Variants in CLEC16A observed in about 807,000 individuals in gnomAD.
CLEC16A encodes the protein protein CLEC16A.
A neutral mutation model predicts 109.5 loss-of-function variants in CLEC16A; 51 were observed. The observed-to-expected ratio is 0.47, with a 90% CI of 0.37 to 0.59. CLEC16A has a LOEUF of 0.59. Among genes scored for constraint, CLEC16A ranks in the 20% least tolerant of loss-of-function variants. CLEC16A has a pLI of 0.00. For synonymous variants in CLEC16A, 673 were observed against 564.2 expected, an observed-to-expected ratio of 1.19 and a Z score of -2.73; for missense variants, 1,339 against 1,394.0, an observed-to-expected ratio of 0.96 and a Z score of 0.63.
At chr16:11,117,891 A>G (rs574712863) in intron 19 of CLEC16A, among the ~76,000 whole-genome samples, 2 of 152,346 alleles carry the variant, frequency 1.3e-5, no homozygotes, top group East Asian at 3.9e-4. Context: ...CATAGATCTA[A>G]TGGTCCTATG....
At chr16:10,983,842 C>T (rs1169000895) in intron 10 of CLEC16A, among the ~76,000 whole-genome samples, 1 of 151,926 alleles carries the variant, frequency 6.6e-6, no homozygotes, top group East Asian at 1.9e-4. Context: ...ACCTGGTTCC[C>T]TCTTTTCAAA....
intron 23 of CLEC16A, among the ~76,000 whole-genome samples, chr16:11,167,169 G>A (rs989636398): frequency 1.3e-5 from 2 of 152,190 alleles, no homozygotes; most frequent in African/African-American, 4.8e-5. Flanking sequence ...GCTGCCGTGA[G>A]CTATTCGCTG....
intron 15 of CLEC16A, among the ~76,000 whole-genome samples, chr16:11,043,626 A>C (rs555410098): frequency 9.2e-5 from 14 of 152,194 alleles, no homozygotes; most frequent in Non-Finnish European, 7.4e-5. Flanking sequence ...GCACTTTGGG[A>C]GGCCGAGGCG....
chr16:10,959,839 C>G (rs1352393290), intron 2 of CLEC16A, among the ~76,000 whole-genome samples: 1 of 151,790 alleles, frequency 6.6e-6, no homozygotes, highest in East Asian at 1.9e-4. Context: ...TCTCAAACTC[C>G]TGAGCTCAAA....
intron 5 of CLEC16A, among the ~76,000 whole-genome samples, chr16:10,972,234 T>TG (rs1008310098): frequency 8.5e-5 from 13 of 152,284 alleles, no homozygotes; most frequent in South Asian, 2.1e-4. Flanking sequence ...GTCCTGCAGT[T>TG]GGGGGGGTCA....
intron 10 of CLEC16A, among the ~76,000 whole-genome samples, chr16:10,989,903 C>G (rs923426821): frequency 1.3e-5 from 2 of 152,174 alleles, no homozygotes; most frequent in African/African-American, 4.8e-5. Context: ...AACTTGTATC[C>G]GATGTCAGCC....
At chr16:10,985,214 A>ATATAT (rs1202404600) in intron 10 of CLEC16A, among the ~76,000 whole-genome samples, 102 of 112,440 alleles carry the variant, frequency 9.1e-4, no homozygotes, top group Admixed American at 5.3e-3. Flanking sequence ...AAAAAAAAAA[A>ATATAT]AAAAAAATAT....
At chr16:11,162,265 G>A (rs540028381) in intron 22 of CLEC16A, among the ~76,000 whole-genome samples, 5 of 152,148 alleles carry the variant, frequency 3.3e-5, no homozygotes, top group African/African-American at 1.2e-4. Context: ...CTCACCATGG[G>A]CATAGTTTCC....
intron 22 of CLEC16A, among the ~76,000 whole-genome samples, chr16:11,154,304 G>A (rs925964157): frequency 2.0e-5 from 3 of 152,174 alleles, no homozygotes; most frequent in Non-Finnish European, 4.4e-5. Flanking sequence ...GTTGCATATG[G>A]TTCAAGCTCA....
At chr16:11,020,066 G>A in intron 11 of CLEC16A, 127 bp from the exon 12 acceptor site, 1 of 1,108,222 alleles carries the variant, frequency 9.0e-7, no homozygotes, top group Non-Finnish European at 1.2e-6. Context: ...TCAGGTCGCT[G>A]CTGTCGGACA....
intron 19 of CLEC16A, among the ~76,000 whole-genome samples, chr16:11,102,572 A>G (rs1055191154): frequency 5.3e-5 from 8 of 152,212 alleles, no homozygotes; most frequent in African/African-American, 1.4e-4. Context: ...ATTCTTTCCC[A>G]TCAGAAAAGA....
In CLEC16A at chr16:10,985,202, C is replaced by CAA. The variant is rs1157089518; in HGVS notation, c.1071+2229_1071+2230dup. Among the ~76,000 whole-genome samples the CAA allele has an allele frequency of 1.8e-3, 184 of 103,528 alleles. 2 individuals are homozygous for CAA. Among genetic ancestry groups the CAA allele is most frequent in the East Asian group, 2.6e-3 (9 of 3,488 alleles). The allele number at this position is 103,528 out of a possible 152,430, so 67.9% of individuals were successfully genotyped here. On this transcript the variant is annotated intron_variant, in intron 10 of 23. Transcript: ENST00000409790. The stretch of plus-strand genomic sequence containing the variant: ...TGGGCGACAGAGCAAGACTCCATCT[C>CAA]AAAAAAAAAAAAAAAAAAATATATA...
At chr16:10,962,390 C>T in intron 2 of CLEC16A, 65 bp from the exon 3 acceptor site, 1 of 1,595,638 alleles carries the variant, frequency 6.3e-7, no homozygotes, top group Non-Finnish European at 8.6e-7. Flanking sequence ...TGAATGAAAC[C>T]AGATAATAAT....
chr16:11,144,490 C>G (rs933370311), intron 22 of CLEC16A, among the ~76,000 whole-genome samples: 1 of 152,116 alleles, frequency 6.6e-6, no homozygotes, highest in Non-Finnish European at 1.5e-5. Flanking sequence ...CCACCCTCCC[C>G]TCAGCTGAGA....
chr16:11,072,546 G>T lies in CLEC16A; in HGVS notation c.2116+11524G>T, dbSNP rs138977263. On this transcript the variant is annotated intron_variant, in intron 19 of 23. Transcript: ENST00000409790. ...AATAGATGGGGAGTATAATGTTTAG[G>T]AACTGGAGCCCCAGATTTAGAAAAG... is the stretch of plus-strand genomic sequence containing the variant. 4.8e-3 allele frequency among the ~76,000 whole-genome samples: 727 copies of T among 152,252 alleles called. 8 individuals are homozygous for T. The highest frequency in any genetic ancestry group is 0.032 in the East Asian group (168 of 5,180).
At chr16:11,052,301 G>T (rs1268745280) in intron 18 of CLEC16A, among the ~76,000 whole-genome samples, 1 of 152,184 alleles carries the variant, frequency 6.6e-6, no homozygotes, top group African/African-American at 2.4e-5. Flanking sequence ...ATTCACTGGA[G>T]ACATGAGTAT....
At chr16:10,959,076 C>T (rs2145985924) in intron 2 of CLEC16A, among the ~76,000 whole-genome samples, 1 of 151,204 alleles carries the variant, frequency 6.6e-6, no homozygotes, top group Non-Finnish European at 1.5e-5. Context: ...ATTGAGGCCA[C>T]TTTTAAAACT....
At chr16:10,985,947 C>T (rs890527086) in intron 10 of CLEC16A, among the ~76,000 whole-genome samples, 2 of 148,570 alleles carry the variant, frequency 1.3e-5, no homozygotes, top group African/African-American at 2.5e-5. Flanking sequence ...CTCAACTGAT[C>T]TGCCTGCCTT....
rs1018491092 is a variant in CLEC16A, at chr16:10,961,098, C to T, written c.210-1357C>T. Among the ~76,000 whole-genome samples the T allele has an allele frequency of 6.6e-6, 1 of 152,130 alleles. No individual in the cohort carries two copies. The highest frequency in any genetic ancestry group is 1.5e-5 in the Non-Finnish European group (1 of 68,024). ...CTAGGTACAGGCATTTTAACAAGTT[C>T]CCAAGTTGGTCACAGTGCGGCAGTG... is the stretch of plus-strand genomic sequence containing the variant. On this transcript the variant is annotated intron_variant, in intron 2 of 23. Coordinates refer to ENST00000409790, the MANE Select transcript of CLEC16A (RefSeq NM_015226.3). The surrounding 1 kb of genome is among the most constrained non-coding windows in gnomAD (Gnocchi z 4.3).
Sources: allele counts gnomAD v4.1 joint callset (sites outside exome capture counted in the v4.1 genomes callset), GRCh38; gene constraint gnomAD v4.1.1; non-coding constraint Gnocchi (gnomAD v3.1); transcripts MANE v1.5; gene names NCBI Gene and HGNC (gene_info 2026-07-23, HGNC 2026-07-21).